KCNAB1: variants seen among roughly 807,000 people sequenced by gnomAD.
KCNAB1 encodes the protein voltage-gated potassium channel subunit beta-1.
Under a neutral mutation model 64.6 loss-of-function variants are expected in KCNAB1, and 35 were observed. The ratio of observed to expected loss-of-function variants is 0.54; its 90% confidence interval spans 0.41 to 0.72. KCNAB1 has a LOEUF of 0.72. Ranked by LOEUF, KCNAB1 falls within the 30% of genes least tolerant of loss-of-function variation. The probability of loss-of-function intolerance (pLI) is 0.00; values close to 1 mark genes in which losing one functional copy is unlikely to be tolerated. For synonymous variants in KCNAB1, 177 were observed against 183.8 expected, an observed-to-expected ratio of 0.96 and a Z score of 0.30; for missense variants, 401 against 512.9, an observed-to-expected ratio of 0.78 and a Z score of 2.11.
In KCNAB1 at chr3:156,320,059, T is replaced by C. The variant is rs79690970; in HGVS notation, c.276-101557T>C. 8.1e-4 allele frequency among the ~76,000 whole-genome samples: 124 copies of C among 152,324 alleles called. 1 individual carries two copies. The highest frequency in any genetic ancestry group is 1.4e-3 in the Non-Finnish European group (92 of 68,032). ...ATCCATCCTGGAAAATGAAGTGTTT[T>C]CAGGTACATTATATTTCCTTTCTAC... On this transcript the variant is annotated intron_variant, in intron 1 of 13. Coordinates refer to ENST00000490337, the MANE Select transcript of KCNAB1 (RefSeq NM_172160.3).
rs752270220 is a variant in KCNAB1, at chr3:156,351,483, T to TAAGA, written c.276-70132_276-70131insAGAA. On this transcript the variant is annotated intron_variant, in intron 1 of 13. Transcript: ENST00000490337. The stretch of plus-strand genomic sequence containing the variant: ...GCTCCAGTTCCTCTAATTTAGTGCT[T>TAAGA]ACTATCCAGTTGTTCATTGCCCCCC... Among the ~76,000 whole-genome samples, 10 of 152,246 alleles carry TAAGA rather than the reference T, an allele frequency of 6.6e-5. No homozygotes were observed. The East Asian group carries it at 1.5e-3, about 23-fold the overall frequency.
At chr3:156,536,238 A>C (rs1251202224) in intron 13 of KCNAB1, among the ~76,000 whole-genome samples, 1 of 152,234 alleles carries the variant, frequency 6.6e-6, no homozygotes, top group Non-Finnish European at 1.5e-5. Flanking sequence ...TGTTCACAAG[A>C]TGTGACTTAG....
intron 1 of KCNAB1, among the ~76,000 whole-genome samples, chr3:156,212,357 A>G (rs1335012428): frequency 1.3e-5 from 2 of 152,318 alleles, no homozygotes; most frequent in East Asian, 1.9e-4. Context: ...GGTTTCAGAT[A>G]CTATGAAAGA....
At chr3:156,327,932 G>T (rs1019223269) in intron 1 of KCNAB1, among the ~76,000 whole-genome samples, 1 of 152,028 alleles carries the variant, frequency 6.6e-6, no homozygotes, top group African/African-American at 2.4e-5. Flanking sequence ...CCCCAGTTCT[G>T]CATAGCTCTT....
At chr3:156,260,875 G>T (rs1285542040) in intron 1 of KCNAB1, among the ~76,000 whole-genome samples, 1 of 152,104 alleles carries the variant, frequency 6.6e-6, no homozygotes, top group African/African-American at 2.4e-5. Flanking sequence ...AAGCATGAAA[G>T]TTCCAGTTTC....
chr3:156,332,278 A>T (rs1723389493), intron 1 of KCNAB1, among the ~76,000 whole-genome samples: 1 of 152,202 alleles, frequency 6.6e-6, no homozygotes. Flanking sequence ...GGTCAGGCAT[A>T]AATAGTTTGA....
intron 1 of KCNAB1, among the ~76,000 whole-genome samples, chr3:156,247,553 A>G (rs1717534355): frequency 6.6e-6 from 1 of 152,030 alleles, no homozygotes; most frequent in East Asian, 1.9e-4. Context: ...AGCAGACTGA[A>G]CCACAGTATT....
At chr3:156,256,686 A>AT (rs34219510) in intron 1 of KCNAB1, among the ~76,000 whole-genome samples, 3,086 of 152,056 alleles carry the variant, frequency 0.02, 196 homozygotes, top group Admixed American at 0.14. Context: ...TAGCTTAAGT[A>AT]TTTTTTTTAC....
Position 156,531,410 on chromosome 3 carries a change from G to C in KCNAB1, c.1083G>C (p.Ala361=), listed in dbSNP as rs1274329845. 4 of 1,611,652 alleles carry C rather than the reference G, an allele frequency of 2.5e-6. No individual in the cohort carries two copies. The highest frequency in any genetic ancestry group is 3.4e-6 in the Non-Finnish European group (4 of 1,177,802). Residue 361 remains alanine (A), a splice_region_variant and synonymous_variant, in exon 13 of 14, where the codon GCG becomes GCC. Transcript: ENST00000490337. ...LGCTLPQLAV[A]WCLRNEGVSS... is the part of the protein sequence containing the mutation. ...TGACCCAGTGTCCTCTCCTCCCAGC[G>C]TGGTGCCTGAGAAATGAAGGTGTGA...
chr3:156,121,141 G>A (rs1250018113), intron 1 of KCNAB1, among the ~76,000 whole-genome samples: 1 of 152,212 alleles, frequency 6.6e-6, no homozygotes, highest in African/African-American at 2.4e-5. Flanking sequence ...CAGGACAAAA[G>A]AGCATTATGA....
intron 1 of KCNAB1, among the ~76,000 whole-genome samples, chr3:156,311,172 A>G (rs1359938987): frequency 6.6e-6 from 1 of 152,214 alleles, no homozygotes; most frequent in African/African-American, 2.4e-5. Flanking sequence ...AACATGTTAA[A>G]AGCAGCAGGG....
chr3:156,154,732 T>C (rs1715616933), intron 1 of KCNAB1, among the ~76,000 whole-genome samples: 1 of 152,196 alleles, frequency 6.6e-6, no homozygotes, highest in Non-Finnish European at 1.5e-5. Flanking sequence ...CTCTACCACT[T>C]TGGCAAGACC....
intron 1 of KCNAB1, among the ~76,000 whole-genome samples, chr3:156,260,412 G>A (rs968179875): frequency 6.6e-6 from 1 of 152,106 alleles, no homozygotes; most frequent in Non-Finnish European, 1.5e-5. Flanking sequence ...GCTCATTCCT[G>A]TTTGCAGTTA....
intron 1 of KCNAB1, among the ~76,000 whole-genome samples, chr3:156,197,358 T>C (rs1714018470): frequency 6.6e-6 from 1 of 152,148 alleles, no homozygotes; most frequent in African/African-American, 2.4e-5. Context: ...TTTTCTGTTG[T>C]TTGGAATGGT....
At chr3:156,285,992 C>A (rs895529594) in intron 1 of KCNAB1, among the ~76,000 whole-genome samples, 6 of 152,134 alleles carry the variant, frequency 3.9e-5, no homozygotes, top group African/African-American at 1.2e-4. Context: ...ATTAATTATG[C>A]TATGGTCCTG....
At chr3:156,242,475 C>T (rs1350287684) in intron 1 of KCNAB1, among the ~76,000 whole-genome samples, 2 of 152,122 alleles carry the variant, frequency 1.3e-5, no homozygotes, top group Non-Finnish European at 2.9e-5. Context: ...TGATAATGAA[C>T]TTTCTGCCCT....
intron 1 of KCNAB1, among the ~76,000 whole-genome samples, chr3:156,417,753 A>G (rs1345897565): frequency 5.9e-5 from 9 of 152,124 alleles, no homozygotes; most frequent in Admixed American, 5.9e-4. Flanking sequence ...TGCTCCATAA[A>G]GTGAGGCTAG....
intron 8 of KCNAB1, among the ~76,000 whole-genome samples, chr3:156,479,192 CCTT>C (rs1220814993): frequency 1.3e-5 from 2 of 152,174 alleles, no homozygotes; most frequent in African/African-American, 2.4e-5. Context: ...CCCATTTCCT[CCTT>C]CTTATGGGTC....
In KCNAB1 at chr3:156,463,853, A is replaced by C. The variant is rs1713133156; in HGVS notation, c.527+107A>C. The C allele has an allele frequency of 7.5e-6, 6 of 798,088 alleles. No individual in the cohort carries two copies. In the East Asian group the frequency reaches 1.7e-4, roughly 23 times the overall value. 49.4% of individuals were successfully genotyped at this position (798,088 alleles called of 1,614,324 possible). On this transcript the variant is annotated intron_variant, in intron 6 of 13. Transcript: ENST00000490337. ...TACCAAAATTAATTGGCTTAGAGAG[A>C]GGGTTTTTTGTTTTTTTTTTGTTTT...
Sources: allele counts gnomAD v4.1 joint callset (sites outside exome capture counted in the v4.1 genomes callset), GRCh38; gene constraint gnomAD v4.1.1; transcripts MANE v1.5; gene names NCBI Gene and HGNC (gene_info 2026-07-23, HGNC 2026-07-21).